AFAP1L1: variants seen among roughly 807,000 people sequenced by gnomAD.
AFAP1L1 encodes the protein actin filament associated protein 1 like 1.
AFAP1L1 carries 77 observed loss-of-function variants against 99.8 expected under a neutral mutation model. The observed-to-expected ratio is 0.77, with a 90% CI of 0.64 to 0.93. The LOEUF is 0.93. Ranked by LOEUF, AFAP1L1 falls within the 40% of genes least tolerant of loss-of-function variation. AFAP1L1 has a pLI of 0.00. For missense variants in AFAP1L1, 893 were observed against 996.8 expected, an observed-to-expected ratio of 0.90 and a Z score of 1.40; for synonymous variants, 373 against 395.3, an observed-to-expected ratio of 0.94 and a Z score of 0.67.
intron 4 of AFAP1L1, among the ~76,000 whole-genome samples, chr5:149,301,569 T>A (rs1381287020): frequency 5.3e-5 from 8 of 152,184 alleles, no homozygotes; most frequent in African/African-American, 1.9e-4. Context: ...TCCGATTGCA[T>A]AACATAAGCC....
At chr5:149,302,319 C>A in intron 4 of AFAP1L1, 99 bp from the exon 5 acceptor site, 1 of 752,626 alleles carries the variant, frequency 1.3e-6, no homozygotes, top group Non-Finnish European at 2.1e-6. Flanking sequence ...CACATTCACA[C>A]TGCCTCCTGC....
chr5:149,300,363 C>A lies in AFAP1L1; in HGVS notation c.229+9C>A, dbSNP rs754028325. 1.9e-6 allele frequency: 3 copies of A among 1,610,562 alleles called. No individual in the cohort carries two copies. The highest frequency in any genetic ancestry group is 1.7e-6 in the Non-Finnish European group (2 of 1,177,804). On this transcript the variant is annotated intron_variant, in intron 3 of 18. Coordinates refer to ENST00000296721, the MANE Select transcript of AFAP1L1 (RefSeq NM_152406.4). The stretch of plus-strand genomic sequence containing the variant: ...CCTCTTTGAAGAATTTGGTAAGTGA[C>A]CCTCTCCCAACCTCAGCTACGGAGC...
intron 15 of AFAP1L1, 101 bp from the exon 16 acceptor site, chr5:149,329,565 C>A (rs1757191831): frequency 5.0e-6 from 6 of 1,193,276 alleles, no homozygotes; most frequent in Non-Finnish European, 6.9e-6. Flanking sequence ...ATTTCCATTT[C>A]ATAGATGGAG....
At chr5:149,272,903 A>T (rs1755177207) in intron 1 of AFAP1L1, among the ~76,000 whole-genome samples, 1 of 152,012 alleles carries the variant, frequency 6.6e-6, no homozygotes, top group African/African-American at 2.4e-5. Flanking sequence ...GGGTTTCACC[A>T]TATTGGCCAG....
At position 149,271,931 on chromosome 5, in the gene AFAP1L1, C is replaced by G. The variant is rs941028149; in HGVS notation, c.-38C>G. ...GCTACCAGCCGCGCCGGAGCCCCTG[C>G]GCCCTGCGGCCCGCTCCCCGGGGAC... On this transcript the variant is annotated 5_prime_UTR_variant, in exon 1 of 19. Coordinates refer to ENST00000296721, the MANE Select transcript of AFAP1L1 (RefSeq NM_152406.4). 3 of 1,223,656 alleles carry G rather than the reference C, an allele frequency of 2.5e-6. No individual in the cohort carries two copies. In the African/African-American group the frequency reaches 4.7e-5, roughly 19 times the overall value. 75.8% of individuals were successfully genotyped at this position (1,223,656 alleles called of 1,614,324 possible). A position where few individuals can be genotyped will look rare whatever the true frequency, so the allele number is the denominator to read the frequency against.
intron 18 of AFAP1L1, among the ~76,000 whole-genome samples, chr5:149,338,318 C>T (rs147223080): frequency 5.9e-5 from 9 of 152,208 alleles, no homozygotes; most frequent in African/African-American, 1.7e-4. Flanking sequence ...AAAAATTAGC[C>T]GGGTGTGGTG....
chr5:149,318,200 A>T (rs1385546734), intron 12 of AFAP1L1, among the ~76,000 whole-genome samples: 1 of 152,252 alleles, frequency 6.6e-6, no homozygotes, highest in Non-Finnish European at 1.5e-5. Flanking sequence ...GCAACATTGG[A>T]GCTTTATTGA....
intron 18 of AFAP1L1, among the ~76,000 whole-genome samples, chr5:149,337,220 T>C (rs920476705): frequency 2.0e-5 from 3 of 152,062 alleles, no homozygotes; most frequent in African/African-American, 7.2e-5. Context: ...GTTCTGGGGA[T>C]CTAATGTACA....
At position 149,278,388 on chromosome 5, in the gene AFAP1L1, G is replaced by C. The variant is rs536050576; in HGVS notation, c.16+6404G>C. 2.0e-5 allele frequency among the ~76,000 whole-genome samples: 3 copies of C among 152,246 alleles called. No homozygotes were observed. The East Asian group carries it at 5.8e-4, about 29-fold the overall frequency. On this transcript the variant is annotated intron_variant, in intron 1 of 18. Transcript: ENST00000296721. Reference sequence around the variant, plus strand: ...TCCACTTCCATTGGACCAAAGTCTAGCCTTTCACCTCCATCAAATCCCATC... The same window carrying C: ...TCCACTTCCATTGGACCAAAGTCTACCCTTTCACCTCCATCAAATCCCATC...
Position 149,312,111 on chromosome 5 carries a change from G to A in AFAP1L1, c.928-1G>A. On this transcript the variant is annotated splice_acceptor_variant, in intron 8 of 18. Transcript: ENST00000296721. LOFTEE classifies it high-confidence loss of function. ...TTCACAGCTGTGTGTCCTCTTCACA[G>A]GTCATCCGAGAAGTGAGCAAGCCAG... The A allele has an allele frequency of 2.5e-6, 4 of 1,613,234 alleles. No homozygotes were observed. The highest frequency in any genetic ancestry group is 3.4e-6 in the Non-Finnish European group (4 of 1,179,856).
chr5:149,301,325 G>T, intron 4 of AFAP1L1, 95 bp downstream of exon 4: 2 of 1,145,264 alleles, frequency 1.7e-6, no homozygotes, highest in Non-Finnish European at 2.5e-6. Flanking sequence ...CTCTCCTGGC[G>T]GTTCTGGACC....
At chr5:149,322,561 T>C in intron 14 of AFAP1L1, 45 bp from the exon 15 acceptor site, 1 of 1,443,802 alleles carries the variant, frequency 6.9e-7, no homozygotes, top group Middle Eastern at 1.8e-4. Context: ...CATTGATGAG[T>C]CTGCGCCTGC....
chr5:149,329,649 T>C lies in AFAP1L1; in HGVS notation c.1811-17T>C, dbSNP rs1238632879. ...AGGTCAGAACTGAGGGCCTTTCCCT[T>C]CCCCATATCTCTGCAGGTGCCAATC... On this transcript the variant is annotated splice_polypyrimidine_tract_variant and intron_variant, in intron 15 of 18. Coordinates refer to ENST00000296721, the MANE Select transcript of AFAP1L1 (RefSeq NM_152406.4). 7 of 1,605,448 alleles carry C rather than the reference T, an allele frequency of 4.4e-6. No homozygotes were observed. The highest frequency in any genetic ancestry group is 2.5e-6 in the Non-Finnish European group (3 of 1,176,826).
chr5:149,280,007 C>A (rs1183736659), intron 1 of AFAP1L1, among the ~76,000 whole-genome samples: 1 of 152,138 alleles, frequency 6.6e-6, no homozygotes, highest in African/African-American at 2.4e-5. Flanking sequence ...TCTGCCCTTC[C>A]CCCAGGACCT....
intron 17 of AFAP1L1, among the ~76,000 whole-genome samples, chr5:149,333,644 TTTC>T (rs1333734212): frequency 6.6e-6 from 1 of 152,234 alleles, no homozygotes. Context: ...CCAGTAATTC[TTTC>T]TTATAAGGGA....
chr5:149,317,682 C>T, intron 11 of AFAP1L1, 47 bp from the exon 12 acceptor site: 1 of 1,596,482 alleles, frequency 6.3e-7, no homozygotes, highest in East Asian at 2.2e-5. Context: ...CGTCCCCATG[C>T]TGTCCCAGGG....
At chr5:149,305,930 C>A (rs982990322) in intron 5 of AFAP1L1, among the ~76,000 whole-genome samples, 9 of 148,934 alleles carry the variant, frequency 6.0e-5, no homozygotes, top group African/African-American at 2.3e-4. Flanking sequence ...ACCATGCACA[C>A]ATGCAATGCT....
rs1010068986 is a variant in AFAP1L1 at position 149,272,044 on chromosome 5, C to T, written c.16+60C>T. 12 of 1,230,482 alleles carry T rather than the reference C, an allele frequency of 9.8e-6. No homozygotes were observed. The African/African-American group carries it at 1.3e-4, about 13-fold the overall frequency. The allele number at this position is 1,230,482 out of a possible 1,614,324, so 76.2% of individuals were successfully genotyped here. Reference sequence around the variant, plus strand: ...CGCCGGGCGGGAAAGGGAGACTGGACGATCTGAAGCCGGAGAGGAGGAGGG... The same window carrying T: ...CGCCGGGCGGGAAAGGGAGACTGGATGATCTGAAGCCGGAGAGGAGGAGGG... On this transcript the variant is annotated intron_variant, in intron 1 of 18. Transcript: ENST00000296721.
At chr5:149,288,427 CACA>C (rs1489228931) in intron 1 of AFAP1L1, among the ~76,000 whole-genome samples, 1 of 152,176 alleles carries the variant, frequency 6.6e-6, no homozygotes, top group African/African-American at 2.4e-5. Context: ...AAATGCTTAG[CACA>C]ACATCTGGAA....
Sources: allele counts gnomAD v4.1 joint callset (sites outside exome capture counted in the v4.1 genomes callset), GRCh38; gene constraint gnomAD v4.1.1; transcripts MANE v1.5; gene names NCBI Gene and HGNC (gene_info 2026-07-23, HGNC 2026-07-21).